TRPM3: variants seen among roughly 807,000 people sequenced by gnomAD.
TRPM3 encodes transient receptor potential cation channel subfamily M member 3.
A neutral mutation model predicts 181.2 loss-of-function variants in TRPM3; 77 were observed. That is an observed-to-expected ratio of 0.42 (90% CI 0.35 to 0.51). The LOEUF (loss-of-function observed/expected upper bound fraction) is 0.51. Ranked by LOEUF, TRPM3 falls within the 20% of genes least tolerant of loss-of-function variation. The pLI, the probability that TRPM3 is intolerant of heterozygous loss-of-function variation, is 0.01. For synonymous variants in TRPM3, 745 were observed against 796.4 expected (o/e 0.94, Z 1.09); for missense variants, 1,759 against 2,196.7 (o/e 0.80, Z 3.98).
At chr9:71,419,934 A>G (rs1441972370) in intron 1 of TRPM3, among the ~76,000 whole-genome samples, 1 of 151,962 alleles carries the variant, frequency 6.6e-6, no homozygotes, top group Non-Finnish European at 1.5e-5. Context: ...TGAACATTTA[A>G]ACTCCTAAGA....
At chr9:70,554,526 C>T (rs1353736152) in intron 22 of TRPM3, among the ~76,000 whole-genome samples, 5 of 152,140 alleles carry the variant, frequency 3.3e-5, no homozygotes, top group Admixed American at 2.6e-4. Context: ...GATTCTCAAC[C>T]CTGGCTGCCC....
chr9:71,425,761 G>A (rs1049835122), intron 1 of TRPM3, among the ~76,000 whole-genome samples: 1 of 152,062 alleles, frequency 6.6e-6, no homozygotes, highest in African/African-American at 2.4e-5. Flanking sequence ...ATAAAGTCTA[G>A]CCATTGACCC....
At chr9:71,254,215 G>A (rs2082533130) in intron 1 of TRPM3, among the ~76,000 whole-genome samples, 1 of 152,168 alleles carries the variant, frequency 6.6e-6, no homozygotes, top group Non-Finnish European at 1.5e-5. Flanking sequence ...ACTGCGCCTG[G>A]CTGGATAACA....
At chr9:71,265,336 A>T (rs566452363) in intron 1 of TRPM3, among the ~76,000 whole-genome samples, 1 of 152,318 alleles carries the variant, frequency 6.6e-6, no homozygotes, top group Non-Finnish European at 1.5e-5. Flanking sequence ...TAAGTTCCTT[A>T]TGCAGCTTAT....
chr9:70,952,319 T>C (rs2097012164), intron 1 of TRPM3, among the ~76,000 whole-genome samples: 1 of 152,204 alleles, frequency 6.6e-6, no homozygotes, highest in African/African-American at 2.4e-5. Flanking sequence ...TTGGAATTCA[T>C]GATACTGTTC....
At chr9:71,109,164 A>G (rs968860232) in intron 1 of TRPM3, among the ~76,000 whole-genome samples, 2 of 152,176 alleles carry the variant, frequency 1.3e-5, no homozygotes, top group African/African-American at 2.4e-5. Flanking sequence ...TTAAGCTGCA[A>G]TTCTCTCCTG....
At position 70,530,426 on chromosome 9, in the gene TRPM3, C is replaced by T. The variant is rs1772129121; in HGVS notation, c.*5527G>A. Reference sequence around the variant, plus strand: ...TCCTGATTGGCACTGACACTCTTTACAAAGCCTATGGACTTCTAGCCATAC... The same window carrying T: ...TCCTGATTGGCACTGACACTCTTTATAAAGCCTATGGACTTCTAGCCATAC... On this transcript the variant is annotated 3_prime_UTR_variant, in exon 26 of 26. Transcript: ENST00000677713. The T allele has an allele frequency of 6.6e-6, 1 of 152,274 alleles. No homozygotes were observed. The highest frequency in any genetic ancestry group is 6.5e-5 in the Admixed American group (1 of 15,282). 9.4% of individuals were successfully genotyped at this position (152,274 alleles called of 1,614,324 possible). A position where few individuals can be genotyped will look rare whatever the true frequency, so the allele number is the denominator to read the frequency against.
intron 1 of TRPM3, among the ~76,000 whole-genome samples, chr9:70,891,867 C>T (rs761562081): frequency 1.3e-5 from 2 of 152,126 alleles, no homozygotes; most frequent in Non-Finnish European, 2.9e-5. Context: ...TTGCTGAAGA[C>T]CTCAGGGCTG....
rs72383590 is a variant in TRPM3 at position 71,215,047 on chromosome 9, C to CA, written c.183+231605dup. ...TCACCAAAAAACAAAAAAAAAAAAA[C>CA]AAAAAAAAAAAAAAACAACAACCCA... On this transcript the variant is annotated intron_variant, in intron 1 of 24. Coordinates refer to the TRPM3 transcript ENST00000357533. Among the ~76,000 whole-genome samples the CA allele has an allele frequency of 5.2e-4, 59 of 112,606 alleles. 1 individual carries two copies. Among genetic ancestry groups the CA allele is most frequent in the African/African-American group, 1.7e-3 (47 of 27,646 alleles). 73.9% of individuals were successfully genotyped at this position (112,606 alleles called of 152,430 possible).
intron 24 of TRPM3, among the ~76,000 whole-genome samples, chr9:70,551,785 C>T (rs576875915): frequency 7.8e-4 from 118 of 152,254 alleles, no homozygotes; most frequent in African/African-American, 2.4e-3. Flanking sequence ...GTTCCTGAGT[C>T]GAGAAGCTTA....
intron 3 of TRPM3, among the ~76,000 whole-genome samples, chr9:70,858,822 C>T (rs2095450848): frequency 6.6e-6 from 1 of 151,970 alleles, no homozygotes; most frequent in Admixed American, 6.6e-5. Context: ...TAATTTTATC[C>T]TTGAATTTGT....
At chr9:71,143,877 C>T (rs1450329062) in intron 1 of TRPM3, among the ~76,000 whole-genome samples, 1 of 152,044 alleles carries the variant, frequency 6.6e-6, no homozygotes, top group Non-Finnish European at 1.5e-5. Context: ...TTAATAAGAG[C>T]CATTCTGACT....
intron 1 of TRPM3, among the ~76,000 whole-genome samples, chr9:70,872,803 G>C (rs1461549240): frequency 1.3e-5 from 2 of 151,948 alleles, no homozygotes; most frequent in Admixed American, 6.6e-5. Flanking sequence ...TTAGCACATA[G>C]AGGATGTAGG....
At chr9:71,128,232 G>A (rs1373936040) in intron 1 of TRPM3, among the ~76,000 whole-genome samples, 2 of 152,102 alleles carry the variant, frequency 1.3e-5, no homozygotes, top group South Asian at 2.1e-4. Flanking sequence ...ATAATGGGGT[G>A]TAAAACTTTA....
At chr9:70,915,413 T>C (rs1267042494) in intron 1 of TRPM3, among the ~76,000 whole-genome samples, 3 of 151,730 alleles carry the variant, frequency 2.0e-5, no homozygotes, top group Admixed American at 2.0e-4. Flanking sequence ...TTCTCCTGCC[T>C]CAGCCTCCCA....
At chr9:71,190,215 T>C (rs2077930374) in intron 1 of TRPM3, among the ~76,000 whole-genome samples, 1 of 151,876 alleles carries the variant, frequency 6.6e-6, no homozygotes, top group African/African-American at 2.4e-5. Flanking sequence ...AAGGCAGCAA[T>C]GATACTGTTA....
chr9:71,248,957 G>A (rs1006533367), intron 1 of TRPM3, among the ~76,000 whole-genome samples: 1 of 152,192 alleles, frequency 6.6e-6, no homozygotes, highest in African/African-American at 2.4e-5. Flanking sequence ...TTTCAAAACA[G>A]ATAAATCTCT....
At chr9:70,906,444 T>C (rs1413068336) in intron 1 of TRPM3, among the ~76,000 whole-genome samples, 1 of 152,214 alleles carries the variant, frequency 6.6e-6, no homozygotes, top group Non-Finnish European at 1.5e-5. Flanking sequence ...GGTGACCTCC[T>C]GCTTGTTAAA....
chr9:70,546,780 A>G (rs2045060085), intron 25 of TRPM3, among the ~76,000 whole-genome samples: 2 of 152,116 alleles, frequency 1.3e-5, no homozygotes, highest in African/African-American at 2.4e-5. Flanking sequence ...CAAATAAAGC[A>G]GAGGGCATTG....
Sources: gnomAD v4.1 joint callset for allele counts (sites outside exome capture counted in the v4.1 genomes callset) on GRCh38, gnomAD v4.1.1 for gene constraint, MANE v1.5 for transcripts, NCBI Gene and HGNC (gene_info 2026-07-23, HGNC 2026-07-21) for gene names.